CCDC6: variants seen among roughly 807,000 people sequenced by gnomAD.
CCDC6 encodes the protein coiled-coil domain containing 6.
A neutral mutation model predicts 56.6 loss-of-function variants in CCDC6; 20 were observed. The observed-to-expected ratio is 0.35, with a 90% CI of 0.25 to 0.51. The LOEUF (loss-of-function observed/expected upper bound fraction) is 0.51, where lower values mean the gene tolerates loss of function less well. Ranked by LOEUF, CCDC6 falls within the 20% of genes least tolerant of loss-of-function variation. The pLI, the probability that CCDC6 is intolerant of heterozygous loss-of-function variation, is 0.95. For missense variants in CCDC6, 367 were observed against 601.1 expected (o/e 0.61, Z 4.07); for synonymous variants, 241 against 234.4 (o/e 1.03, Z -0.26).
chr10:59,860,475 T>C (rs1389629337), intron 1 of CCDC6, among the ~76,000 whole-genome samples: 1 of 152,112 alleles, frequency 6.6e-6, no homozygotes, highest in Admixed American at 6.5e-5. Context: ...AATGGTAATC[T>C]AATGCTGAAG....
chr10:59,829,155 G>A (rs866611001), intron 3 of CCDC6, among the ~76,000 whole-genome samples: 3 of 152,270 alleles, frequency 2.0e-5, no homozygotes, highest in African/African-American at 4.8e-5. Flanking sequence ...TGAGTTAACT[G>A]GGGCCTTCCT....
chr10:59,814,519 C>T, intron 4 of CCDC6, 133 bp downstream of exon 4: 2 of 592,068 alleles, frequency 3.4e-6, no homozygotes, highest in Admixed American at 2.9e-5. Flanking sequence ...CATTTTTTTT[C>T]CTTTGGCCAA....
rs2070446959 is a variant in CCDC6, at chr10:59,789,241, G to A, written c.*3676C>T. 2 of 231,448 alleles carry A rather than the reference G, an allele frequency of 8.6e-6. No individual in the cohort carries two copies. The highest frequency in any genetic ancestry group is 6.1e-5 in the East Asian group (1 of 16,292). The allele number at this position is 231,448 out of a possible 1,614,324, so 14.3% of individuals were successfully genotyped here. A position where few individuals can be genotyped will look rare whatever the true frequency, so the allele number is the denominator to read the frequency against. On this transcript the variant is annotated 3_prime_UTR_variant, in exon 9 of 9. Transcript: ENST00000263102. ...AGACTAAGTCAAGAACTAAAGTTGT[G>A]CAGTAACCCGAGTTAAGGCATGAAT...
chr10:59,857,839 A>G (rs1464506383), intron 1 of CCDC6, among the ~76,000 whole-genome samples: 1 of 152,304 alleles, frequency 6.6e-6, no homozygotes. Context: ...CAAATTAATG[A>G]TCTTAACATC....
At chr10:59,853,233 C>T (rs1414186393) in intron 1 of CCDC6, among the ~76,000 whole-genome samples, 1 of 152,112 alleles carries the variant, frequency 6.6e-6, no homozygotes, top group Non-Finnish European at 1.5e-5. Flanking sequence ...TTGGATATGC[C>T]ATTAAAAAGG....
rs528843964 is a variant in CCDC6 at position 59,865,916 on chromosome 10, T to G, written c.304-13214A>C. 4.0e-5 allele frequency among the ~76,000 whole-genome samples: 6 copies of G among 149,570 alleles called. No homozygotes were observed. In the South Asian group the frequency reaches 1.3e-3, roughly 32 times the overall value. ...TAAATACTGGCCATGCATCATTCAC[T>G]GTGTACCTACACCAGGAACCCTAAA... On this transcript the variant is annotated intron_variant, in intron 1 of 8. Transcript: ENST00000263102.
intron 3 of CCDC6, among the ~76,000 whole-genome samples, chr10:59,827,765 T>G (rs572997338): frequency 6.6e-6 from 1 of 151,998 alleles, no homozygotes; most frequent in Non-Finnish European, 1.5e-5. Context: ...CAGGAATAAC[T>G]GAAAAAAAGA....
chr10:59,804,316 T>C (rs553483152), intron 7 of CCDC6, 104 bp downstream of exon 7: 2 of 717,126 alleles, frequency 2.8e-6, no homozygotes, highest in South Asian at 3.3e-5. Context: ...ATGATTATTA[T>C]CCCTGTTTCC....
At chr10:59,889,065 C>A (rs775223711) in intron 1 of CCDC6, among the ~76,000 whole-genome samples, 11 of 152,118 alleles carry the variant, frequency 7.2e-5, no homozygotes, top group Non-Finnish European at 1.5e-4. Flanking sequence ...GCACGCTTCA[C>A]CCATCAAAAC....
chr10:59,792,945 T>C lies in CCDC6; in HGVS notation c.1397A>G (p.His466Arg), dbSNP rs1335818912. The change falls in exon 9 of 9, where the codon CAT becomes CGT. Residue 466 changes from histidine to arginine, a missense_variant. Around this residue, in one of 7 missense-constraint regions of CCDC6, gnomAD observed 54 missense variants for 60.0 expected, o/e 0.90. Coordinates refer to ENST00000263102, the MANE Select transcript of CCDC6 (RefSeq NM_005436.5). Reference sequence around the variant, plus strand: ...AGGCTGGGAGGAGGGGTGCGCCGAATGTTGCGAAGGAGTAGGCTGCGAGGT... The same window carrying C: ...AGGCTGGGAGGAGGGGTGCGCCGAACGTTGCGAAGGAGTAGGCTGCGAGGT... Reference protein sequence around the residue: ...AATSQPTPSQHSAHPSSQP With the variant: ...AATSQPTPSQRSAHPSSQP The C allele has an allele frequency of 2.5e-6, 4 of 1,611,094 alleles. No homozygotes were observed. The highest frequency in any genetic ancestry group is 2.5e-6 in the Non-Finnish European group (3 of 1,178,412).
rs796201034 is a variant in CCDC6, at chr10:59,837,916, C to A, written c.454-5263G>T. On this transcript the variant is annotated intron_variant, in intron 2 of 8. Transcript: ENST00000263102. ...CCTGCATTGGACCAAGTAAAGGCCA[C>A]CCCAGGACAATAACTGCATTAAGCC... 1.4e-4 allele frequency among the ~76,000 whole-genome samples: 21 copies of A among 152,140 alleles called. No homozygotes were observed. The South Asian group carries it at 4.0e-3, about 29-fold the overall frequency.
chr10:59,792,961 GC>G lies in CCDC6; in HGVS notation c.1380del (p.Gln460HisfsTer18). ...QPTVPSAATS[Q>X]PTPSQHSAHP... is the part of the protein sequence containing the mutation. ...TGCGCCGAATGTTGCGAAGGAGTAGGCTGCGAGGTGGCTGCTGAGGGGACCG... is the reference window on the plus strand; with the variant it reads ...TGCGCCGAATGTTGCGAAGGAGTAGGTGCGAGGTGGCTGCTGAGGGGACCG... On this transcript the variant is annotated frameshift_variant, in exon 9 of 9. Coordinates refer to ENST00000263102, the MANE Select transcript of CCDC6 (RefSeq NM_005436.5). LOFTEE classifies it high-confidence loss of function. The G allele has an allele frequency of 6.2e-7, 1 of 1,612,534 alleles. No homozygotes were observed. Among genetic ancestry groups the G allele is most frequent in the East Asian group, 2.2e-5 (1 of 44,880 alleles).
In CCDC6 at chr10:59,898,500, G is replaced by A. The variant is rs1327078686; in HGVS notation, c.303+7622C>T. On this transcript the variant is annotated intron_variant, in intron 1 of 8. Transcript: ENST00000263102. The stretch of plus-strand genomic sequence containing the variant: ...ATTCCCCTCCCTGGGAACCCCTACA[G>A]GAGTCGGCCTAAGCTTCCCTTCCTG... Among the ~76,000 whole-genome samples the A allele has an allele frequency of 2.6e-5, 4 of 152,196 alleles. No individual in the cohort carries two copies. The South Asian group carries it at 6.2e-4, about 24-fold the overall frequency.
At chr10:59,874,216 C>T (rs1158692231) in intron 1 of CCDC6, among the ~76,000 whole-genome samples, 1 of 151,858 alleles carries the variant, frequency 6.6e-6, no homozygotes, top group Non-Finnish European at 1.5e-5. Context: ...TGAGACAGGA[C>T]CTTACACTCT....
chr10:59,894,255 C>T (rs1009120026), intron 1 of CCDC6, among the ~76,000 whole-genome samples: 3 of 152,240 alleles, frequency 2.0e-5, no homozygotes, highest in Non-Finnish European at 2.9e-5. Flanking sequence ...TGAAGGGAAT[C>T]CAGGCACACA....
chr10:59,838,484 T>C (rs938043157), intron 2 of CCDC6, among the ~76,000 whole-genome samples: 2 of 152,316 alleles, frequency 1.3e-5, no homozygotes, highest in Admixed American at 6.5e-5. Flanking sequence ...CCAATCCCTA[T>C]GCAAGCTTCC....
intron 7 of CCDC6, among the ~76,000 whole-genome samples, chr10:59,802,253 C>T (rs899582537): frequency 4.6e-5 from 7 of 152,176 alleles, no homozygotes; most frequent in African/African-American, 1.7e-4. Flanking sequence ...TATGTAATTG[C>T]CAATATTTCA....
rs2132618522 is a variant in CCDC6 at position 59,792,788 on chromosome 10, A to G, written c.*129T>C. 1 of 943,698 alleles carries G rather than the reference A, an allele frequency of 1.1e-6. No homozygotes were observed. The highest frequency in any genetic ancestry group is 1.7e-6 in the Non-Finnish European group (1 of 575,694). The allele number at this position is 943,698 out of a possible 1,614,324, so 58.5% of individuals were successfully genotyped here. ...CTGACAAACATTTACAACACAATGG[A>G]TAGTGAAGCCTAGATAACCTCAGTG... is the stretch of plus-strand genomic sequence containing the variant. On this transcript the variant is annotated 3_prime_UTR_variant, in exon 9 of 9. Transcript: ENST00000263102.
chr10:59,811,939 A>C (rs1238692398), intron 5 of CCDC6, among the ~76,000 whole-genome samples: 4 of 152,174 alleles, frequency 2.6e-5, no homozygotes, highest in Non-Finnish European at 5.9e-5. Flanking sequence ...ATCTGGAAGA[A>C]TATAGTACAA....
Sources: gnomAD v4.1 joint callset for allele counts (sites outside exome capture counted in the v4.1 genomes callset) on GRCh38, gnomAD v4.1.1 for gene constraint, gnomAD v4.1.1 regional missense constraint, MANE v1.5 for transcripts, NCBI Gene and HGNC (gene_info 2026-07-23, HGNC 2026-07-21) for gene names.